NEBL: variants seen among roughly 807,000 people sequenced by gnomAD.
The protein encoded by NEBL is LIM and SH3 protein 2.
NEBL carries 122 observed loss-of-function variants against 140.2 expected under a neutral mutation model. That is an observed-to-expected ratio of 0.87 (90% confidence interval 0.75 to 1.01). NEBL has a LOEUF of 1.01. Ranked by LOEUF, NEBL falls within the 50% of genes least tolerant of loss-of-function variation. The pLI is 0.00. For synonymous variants in NEBL, 436 were observed against 398.9 expected, an observed-to-expected ratio of 1.09 and a Z score of -1.11; for missense variants, 1,365 against 1,231.3, an observed-to-expected ratio of 1.11 and a Z score of -1.62.
In NEBL at chr10:20,868,580, T is replaced by C. The variant is rs1371564060; in HGVS notation, c.684+84A>G. 6.4e-6 allele frequency: 6 copies of C among 937,394 alleles called. No individual in the cohort carries two copies. The African/African-American group carries it at 8.1e-5, about 13-fold the overall frequency. 58.1% of individuals were successfully genotyped at this position (937,394 alleles called of 1,614,324 possible). A position where few individuals can be genotyped will look rare whatever the true frequency, so the allele number is the denominator to read the frequency against. ...CTGTTTATTCTTGCAATTAAAGATATTATCTAAAATGCAATATTCTCCTGT... is the reference window on the plus strand; with the variant it reads ...CTGTTTATTCTTGCAATTAAAGATACTATCTAAAATGCAATATTCTCCTGT... On this transcript the variant is annotated intron_variant, in intron 7 of 27. Transcript: ENST00000377122.
chr10:20,899,313 G>T, upstream of NEBL: 1 of 1,014,254 alleles, frequency 9.9e-7, no homozygotes, highest in Non-Finnish European at 1.4e-6. Flanking sequence ...ACACCTTTTG[G>T]CTCATATTTG....
intron 2 of NEBL, among the ~76,000 whole-genome samples, chr10:21,124,161 T>C (rs1292381382): frequency 6.6e-6 from 1 of 152,186 alleles, no homozygotes; most frequent in Non-Finnish European, 1.5e-5. Context: ...ATTGTACTCA[T>C]AACCCAATCC....
At chr10:21,189,554 T>A (rs1841537322) in intron 3 of NEBL, among the ~76,000 whole-genome samples, 1 of 152,174 alleles carries the variant, frequency 6.6e-6, no homozygotes, top group South Asian at 2.1e-4. Context: ...AAACTCTGCC[T>A]CCCGGGTTCC....
At chr10:20,842,931 T>G (rs1383046954) in intron 12 of NEBL, among the ~76,000 whole-genome samples, 1 of 152,072 alleles carries the variant, frequency 6.6e-6, no homozygotes, top group Non-Finnish European at 1.5e-5. Context: ...TCAAGTATTT[T>G]AGATTCCACA....
Position 21,038,725 on chromosome 10 carries a change from G to T in NEBL, c.165-18524C>A, listed in dbSNP as rs527736686. On this transcript the variant is annotated intron_variant, in intron 2 of 6. Coordinates refer to the NEBL transcript ENST00000417816. ...GATTTATAATCCTTTGAGTATATAC[G>T]CAGTAATGGGATTGCTGGGTCAAAT... is the stretch of plus-strand genomic sequence containing the variant. Among the ~76,000 whole-genome samples, 4 of 152,148 alleles carry T rather than the reference G, an allele frequency of 2.6e-5. No homozygotes were observed. The East Asian group carries it at 7.7e-4, about 29-fold the overall frequency.
rs374595892 is a variant in NEBL at position 20,870,674 on chromosome 10, GGAGATCTAAGGTACT to G, written c.481-848_481-834del. Among the ~76,000 whole-genome samples, 604 of 152,294 alleles carry G rather than the reference GGAGATCTAAGGTACT, an allele frequency of 4.0e-3. 6 individuals are homozygous for G. The highest frequency in any genetic ancestry group is 0.014 in the African/African-American group (583 of 41,554). On this transcript the variant is annotated intron_variant, in intron 5 of 27. Transcript: ENST00000377122. ...TCAAATGTTCAAAGGCCCATGCCTA[GGAGATCTAAGGTACT>G]GAGAGCTTTATCACCCAATAAATAT...
intron 2 of NEBL, among the ~76,000 whole-genome samples, chr10:21,079,258 G>T (rs914049854): frequency 6.6e-6 from 1 of 152,150 alleles, no homozygotes; most frequent in African/African-American, 2.4e-5. Context: ...GAAAAAGAAA[G>T]AAAATGAGGA....
chr10:21,111,163 A>G (rs1315446233), intron 2 of NEBL, among the ~76,000 whole-genome samples: 1 of 152,166 alleles, frequency 6.6e-6, no homozygotes, highest in Non-Finnish European at 1.5e-5. Context: ...AAATGACCAT[A>G]TTTCCCAAGG....
At chr10:20,970,879 C>A (rs796098968) in intron 3 of NEBL, among the ~76,000 whole-genome samples, 3 of 152,106 alleles carry the variant, frequency 2.0e-5, no homozygotes, top group African/African-American at 7.2e-5. Flanking sequence ...GAAAAAAATG[C>A]CAAAGCGAAA....
intron 1 of NEBL, among the ~76,000 whole-genome samples, chr10:21,290,296 T>C (rs1210605774): frequency 2.6e-5 from 4 of 152,188 alleles, no homozygotes; most frequent in Non-Finnish European, 5.9e-5. Flanking sequence ...CTGCAAAATA[T>C]GATGCTCCGG....
chr10:21,087,102 A>T (rs966082553), intron 2 of NEBL, among the ~76,000 whole-genome samples: 1 of 152,230 alleles, frequency 6.6e-6, no homozygotes, highest in African/African-American at 2.4e-5. Context: ...CATTTCCAGT[A>T]AAACATATGA....
chr10:21,056,002 T>C (rs2119240), intron 2 of NEBL, among the ~76,000 whole-genome samples: 1 of 151,980 alleles, frequency 6.6e-6, no homozygotes, highest in Non-Finnish European at 1.5e-5. Flanking sequence ...TTCATCCCAA[T>C]GCAGACCAGT....
intron 2 of NEBL, among the ~76,000 whole-genome samples, chr10:21,080,364 G>A (rs1836308804): frequency 6.6e-6 from 1 of 152,160 alleles, no homozygotes; most frequent in African/African-American, 2.4e-5. Context: ...CTTCTCAATT[G>A]TGGTAAATAT....
intron 2 of NEBL, among the ~76,000 whole-genome samples, chr10:21,068,653 C>T (rs1835674705): frequency 6.6e-6 from 1 of 152,186 alleles, no homozygotes; most frequent in Non-Finnish European, 1.5e-5. Flanking sequence ...CTGTCAGCTA[C>T]TAAGCCAGTA....
intron 2 of NEBL, among the ~76,000 whole-genome samples, chr10:21,107,245 A>G (rs1837761250): frequency 6.6e-6 from 1 of 152,184 alleles, no homozygotes; most frequent in Admixed American, 6.5e-5. Context: ...GAGAGAGGGC[A>G]TTCTTGTCTT....
intron 2 of NEBL, among the ~76,000 whole-genome samples, chr10:21,087,903 C>T (rs1288558401): frequency 1.3e-5 from 2 of 152,198 alleles, no homozygotes; most frequent in Non-Finnish European, 2.9e-5. Flanking sequence ...TCTTGGTACA[C>T]TCTGAAATAG....
chr10:20,995,444 A>G (rs1837629860), intron 3 of NEBL, among the ~76,000 whole-genome samples: 1 of 152,102 alleles, frequency 6.6e-6, no homozygotes, highest in Non-Finnish European at 1.5e-5. Flanking sequence ...TACAAGGAAA[A>G]AGGGTCCCTG....
chr10:20,796,536 G>A (rs2131670236), intron 26 of NEBL, among the ~76,000 whole-genome samples: 1 of 151,952 alleles, frequency 6.6e-6, no homozygotes, highest in African/African-American at 2.4e-5. Context: ...TGATTTTGAA[G>A]CCAACTGCTT....
chr10:21,012,945 A>G (rs1838403258), intron 3 of NEBL, among the ~76,000 whole-genome samples: 1 of 152,190 alleles, frequency 6.6e-6, no homozygotes, highest in South Asian at 2.1e-4. Flanking sequence ...GAGGGTTGAG[A>G]GTAGAACACC....
Sources: gnomAD v4.1 joint callset for allele counts (sites outside exome capture counted in the v4.1 genomes callset) on GRCh38, gnomAD v4.1.1 for gene constraint, MANE v1.5 for transcripts, NCBI Gene and HGNC (gene_info 2026-07-23, HGNC 2026-07-21) for gene names.